PPP1R12B: variants seen among roughly 807,000 people sequenced by gnomAD.
PPP1R12B encodes protein phosphatase 1 regulatory subunit 12B.
In PPP1R12B, 76 loss-of-function variants were observed where a neutral mutation model predicts 126.1. The observed-to-expected ratio is 0.60, with a 90% CI of 0.50 to 0.73. PPP1R12B has a LOEUF of 0.73. PPP1R12B is among the 30% of genes least tolerant of loss of function. The pLI, the probability that PPP1R12B is intolerant of heterozygous loss-of-function variation, is 0.00. For synonymous variants in PPP1R12B, 356 were observed against 434.7 expected, an observed-to-expected ratio of 0.82 and a Z score of 2.25; for missense variants, 1,052 against 1,205.1, an observed-to-expected ratio of 0.87 and a Z score of 1.88.
chr1:202,562,925 A>C lies in PPP1R12B; in HGVS notation c.2652+3A>C, dbSNP rs1484159483. 3.2e-6 allele frequency: 5 copies of C among 1,561,126 alleles called. No homozygotes were observed. Among genetic ancestry groups the C allele is most frequent in the Non-Finnish European group, 3.5e-6 (4 of 1,158,468 alleles). On this transcript the variant is annotated splice_donor_region_variant and intron_variant, in intron 20 of 23. Transcript: ENST00000608999. ...ACAGCAACAGAGATTATAAAAAAGT[A>C]GGGTCTTTATTCAATTTTCCGGTTC...
At chr1:202,452,832 CTT>C (rs998403194) in intron 13 of PPP1R12B, among the ~76,000 whole-genome samples, 9 of 142,168 alleles carry the variant, frequency 6.3e-5, no homozygotes, top group Non-Finnish European at 9.3e-5. Context: ...CTCTCTCTCT[CTT>C]TTTTTTTTTT....
intron 23 of PPP1R12B, 25 bp from the exon 24 acceptor site, chr1:202,580,445 AACTC>A: frequency 6.3e-7 from 1 of 1,585,744 alleles, no homozygotes; most frequent in Non-Finnish European, 8.7e-7. Context: ...GCCAGGCTCT[AACTC>A]ACCTTTCCCT....
chr1:202,559,660 T>C (rs1572506966), intron 19 of PPP1R12B, among the ~76,000 whole-genome samples: 1 of 152,218 alleles, frequency 6.6e-6, no homozygotes, highest in Non-Finnish European at 1.5e-5. Context: ...GATATAGTTA[T>C]GGGACTATAG....
chr1:202,560,384 T>G (rs1300190669), intron 19 of PPP1R12B, among the ~76,000 whole-genome samples: 4 of 152,220 alleles, frequency 2.6e-5, no homozygotes, highest in Non-Finnish European at 5.9e-5. Context: ...AGCTACTCCA[T>G]AGACAGAGCA....
At position 202,569,029 on chromosome 1, in the gene PPP1R12B, C is replaced by T. The variant is rs192510110; in HGVS notation, c.2812-118C>T. 3.8e-4 allele frequency: 420 copies of T among 1,105,850 alleles called. 2 individuals carry two copies. In the African/African-American group the frequency reaches 5.9e-3, roughly 16 times the overall value. The allele number at this position is 1,105,850 out of a possible 1,614,324, so 68.5% of individuals were successfully genotyped here. ...CTCAGATCTCCTGAGTAAGGTTTGC[C>T]TGAGTCAGCAGACAAACCTTTGACC... On this transcript the variant is annotated intron_variant, in intron 22 of 23. Transcript: ENST00000608999.
rs950292754 is a variant in PPP1R12B at position 202,588,857 on chromosome 1, AGATAGATAGATAGAT to A, written c.*8298_*8312del. ...TAGATAGATAGATAGATAGATAGAT[AGATAGATAGATAGAT>A]ATCAAGGTTCCAAGCTTCAAGTAAC... On this transcript the variant is annotated 3_prime_UTR_variant, in exon 24 of 24. Transcript: ENST00000608999. The A allele has an allele frequency of 2.7e-5, 4 of 145,664 alleles. No homozygotes were observed. The highest frequency in any genetic ancestry group is 8.4e-5 in the African/African-American group (3 of 35,890). The allele number at this position is 145,664 out of a possible 1,614,324, so 9.0% of individuals were successfully genotyped here.
At position 202,588,823 on chromosome 1, in the gene PPP1R12B, T is replaced by G. The variant is rs1689974057; in HGVS notation, c.*8263T>G. The G allele has an allele frequency of 1.1e-5, 1 of 87,876 alleles. No homozygotes were observed. Among genetic ancestry groups the G allele is most frequent in the Admixed American group, 1.2e-4 (1 of 8,330 alleles). The allele number at this position is 87,876 out of a possible 1,614,324, so 5.4% of individuals were successfully genotyped here. On this transcript the variant is annotated 3_prime_UTR_variant, in exon 24 of 24. Transcript: ENST00000608999. ...CCTAGATTGGCGTTCAAAAGAACCG[T>G]AAGATAGATAGATAGATAGATAGAT...
chr1:202,401,993 C>G (rs1269565381), intron 1 of PPP1R12B, among the ~76,000 whole-genome samples: 1 of 152,216 alleles, frequency 6.6e-6, no homozygotes, highest in African/African-American at 2.4e-5. Context: ...TAATTCTGAG[C>G]ACCCTGCTAG....
chr1:202,383,093 T>TACAAAA (rs1662603877), intron 1 of PPP1R12B, among the ~76,000 whole-genome samples: 1 of 152,222 alleles, frequency 6.6e-6, no homozygotes, highest in African/African-American at 2.4e-5. Flanking sequence ...TCAAGTCAAT[T>TACAAAA]AAGTTTGCAA....
Position 202,449,011 on chromosome 1 carries a change from G to A in PPP1R12B, c.1690G>A (p.Asp564Asn), listed in dbSNP as rs201923683. 101 of 1,613,698 alleles carry A rather than the reference G, an allele frequency of 6.3e-5. No individual in the cohort carries two copies. Among genetic ancestry groups the A allele is most frequent in the South Asian group, 9.9e-5 (9 of 91,054 alleles). ...CAGGACTCCTCACAAATCCCAGGCCGACACAACAGCAGAGAAAACAGCAGA... is the reference window on the plus strand; with the variant it reads ...CAGGACTCCTCACAAATCCCAGGCCAACACAACAGCAGAGAAAACAGCAGA... ...LKRTPHKSQA[D>N]TTAEKTADNV... The change falls in exon 13 of 24, where the codon GAC becomes AAC. Residue 564 changes from aspartate (D) to asparagine (N), a missense_variant. Asp to Asn is a conservative substitution (Grantham distance 23, BLOSUM62 1). Coordinates refer to ENST00000608999, the MANE Select transcript of PPP1R12B (RefSeq NM_002481.4).
rs1689982422 is a variant in PPP1R12B, at chr1:202,588,837, A to AGATAGATAGATAGATAGATAGAT, written c.*8278_*8300dup. The stretch of plus-strand genomic sequence containing the variant: ...CAAAAGAACCGTAAGATAGATAGAT[A>AGATAGATAGATAGATAGATAGAT]GATAGATAGATAGATAGATAGATAG... On this transcript the variant is annotated 3_prime_UTR_variant, in exon 24 of 24. Coordinates refer to ENST00000608999, the MANE Select transcript of PPP1R12B (RefSeq NM_002481.4). 3 of 136,358 alleles carry AGATAGATAGATAGATAGATAGAT rather than the reference A, an allele frequency of 2.2e-5. No individual in the cohort carries two copies. The highest frequency in any genetic ancestry group is 1.5e-5 in the Non-Finnish European group (1 of 65,610). 8.4% of individuals were successfully genotyped at this position (136,358 alleles called of 1,614,324 possible). A position where few individuals can be genotyped will look rare whatever the true frequency, so the allele number is the denominator to read the frequency against.
chr1:202,511,598 C>T (rs1397353812), intron 18 of PPP1R12B, among the ~76,000 whole-genome samples: 1 of 151,990 alleles, frequency 6.6e-6, no homozygotes, highest in African/African-American at 2.4e-5. Context: ...TATGCCTTTG[C>T]TTTTTCATAG....
intron 21 of PPP1R12B, among the ~76,000 whole-genome samples, chr1:202,566,135 T>C (rs536638748): frequency 6.6e-6 from 1 of 152,354 alleles, no homozygotes; most frequent in African/African-American, 2.4e-5. Flanking sequence ...TGACAGCATA[T>C]GTCTTGACCT....
chr1:202,566,807 T>A (rs982923076), intron 21 of PPP1R12B, among the ~76,000 whole-genome samples: 10 of 152,164 alleles, frequency 6.6e-5, no homozygotes, highest in African/African-American at 2.4e-4. Flanking sequence ...TCCTTAATTT[T>A]TTTTTTAAAA....
At chr1:202,365,484 G>A (rs1253761563) in intron 1 of PPP1R12B, among the ~76,000 whole-genome samples, 2 of 152,074 alleles carry the variant, frequency 1.3e-5, no homozygotes, top group Non-Finnish European at 2.9e-5. Context: ...ACCAAGTGTT[G>A]CTATGCATTT....
At chr1:202,459,579 T>A (rs748076863) in intron 13 of PPP1R12B, among the ~76,000 whole-genome samples, 1 of 152,186 alleles carries the variant, frequency 6.6e-6, no homozygotes, top group African/African-American at 2.4e-5. Flanking sequence ...ATTCTCTTTA[T>A]AAGATGGAAA....
At chr1:202,377,319 CTT>C (rs775692123) in intron 1 of PPP1R12B, among the ~76,000 whole-genome samples, 1 of 141,816 alleles carries the variant, frequency 7.1e-6, no homozygotes, top group African/African-American at 2.6e-5. Flanking sequence ...AGGGTAGTAT[CTT>C]TTTTTTTTTT....
intron 1 of PPP1R12B, among the ~76,000 whole-genome samples, chr1:202,364,127 A>G (rs910537790): frequency 3.3e-5 from 5 of 152,160 alleles, no homozygotes; most frequent in Admixed American, 6.5e-5. Context: ...TAAGCATGGT[A>G]CAGAAATAAG....
Position 202,386,346 on chromosome 1 carries a change from T to TATTG in PPP1R12B, c.292-30441_292-30440insATTG, listed in dbSNP as rs1365817633. 4.6e-5 allele frequency among the ~76,000 whole-genome samples: 7 copies of TATTG among 151,922 alleles called. No individual in the cohort carries two copies. The East Asian group carries it at 1.4e-3, about 30-fold the overall frequency. On this transcript the variant is annotated intron_variant, in intron 1 of 23. Coordinates refer to ENST00000608999, the MANE Select transcript of PPP1R12B (RefSeq NM_002481.4). ...ATTTGTTTATTTTTATTTATTTATT[T>TATTG]TTTGAGACGAAGTCTTGCTCTGTCA...
Sources: gnomAD v4.1 joint callset for allele counts (sites outside exome capture counted in the v4.1 genomes callset) on GRCh38, gnomAD v4.1.1 for gene constraint, MANE v1.5 for transcripts, NCBI Gene and HGNC (gene_info 2026-07-23, HGNC 2026-07-21) for gene names.